RALYL: variants seen among roughly 807,000 people sequenced by gnomAD.
RALYL encodes RALY RNA binding protein like.
A neutral mutation model predicts 35.1 loss-of-function variants in RALYL; 29 were observed. The observed-to-expected ratio is 0.83, with a 90% confidence interval of 0.61 to 1.13. The LOEUF is 1.13. Ranked by LOEUF, RALYL falls within the 50% of genes most tolerant of loss-of-function variation. RALYL has a pLI of 0.00. For missense variants in RALYL, 359 were observed against 360.4 expected (o/e 1.00, Z 0.03); for synonymous variants, 120 against 127.6 (o/e 0.94, Z 0.40).
intron 2 of RALYL, among the ~76,000 whole-genome samples, chr8:84,617,309 T>A (rs1409306691): frequency 6.6e-6 from 1 of 151,566 alleles, no homozygotes; most frequent in Admixed American, 6.6e-5. Flanking sequence ...GTCCTTCACA[T>A]CCCTTGTAAG....
chr8:84,222,726 G>A (rs1163707160), intron 1 of RALYL, among the ~76,000 whole-genome samples: 1 of 152,126 alleles, frequency 6.6e-6, no homozygotes, highest in East Asian at 1.9e-4. Context: ...TGCATGCAAA[G>A]ACCTTAAGGA....
chr8:84,811,694 G>C (rs917207172), intron 4 of RALYL, among the ~76,000 whole-genome samples: 1 of 152,090 alleles, frequency 6.6e-6, no homozygotes, highest in Non-Finnish European at 1.5e-5. Flanking sequence ...AGACTTCTTA[G>C]AGGCTTTGTT....
At chr8:84,815,684 A>C (rs1019601510) in intron 4 of RALYL, among the ~76,000 whole-genome samples, 1 of 152,056 alleles carries the variant, frequency 6.6e-6, no homozygotes, top group African/African-American at 2.4e-5. Context: ...ATGCTGCATC[A>C]GATATACTCT....
At chr8:84,439,403 GT>G (rs981395667) in intron 1 of RALYL, among the ~76,000 whole-genome samples, 2 of 152,096 alleles carry the variant, frequency 1.3e-5, no homozygotes, top group Admixed American at 1.3e-4. Context: ...CAGGGGATGT[GT>G]TTAGAGGTGG....
intron 2 of RALYL, among the ~76,000 whole-genome samples, chr8:84,569,387 G>A (rs1362237235): frequency 6.6e-6 from 1 of 151,842 alleles, no homozygotes; most frequent in African/African-American, 2.4e-5. Context: ...TGAGGACCCT[G>A]TTCTGTCCCA....
At chr8:84,217,692 G>A (rs1821159786) in intron 1 of RALYL, among the ~76,000 whole-genome samples, 1 of 152,116 alleles carries the variant, frequency 6.6e-6, no homozygotes, top group Non-Finnish European at 1.5e-5. Context: ...AAAGCAGAAT[G>A]CATGAAGATT....
At chr8:84,727,633 C>T in intron 2 of RALYL, among the ~76,000 whole-genome samples, 1 of 128,830 alleles carries the variant, frequency 7.8e-6, no homozygotes, top group Non-Finnish European at 1.6e-5. Flanking sequence ...TCCCCCCACC[C>T]CACAACAGTC....
At chr8:84,890,728 T>C (rs992905341) in intron 8 of RALYL, among the ~76,000 whole-genome samples, 5 of 152,132 alleles carry the variant, frequency 3.3e-5, no homozygotes, top group Admixed American at 1.3e-4. Flanking sequence ...CTTTTCTCCA[T>C]TGGCTTTTAT....
At chr8:84,271,829 G>GAGTGGGGA (rs533417856) in intron 1 of RALYL, among the ~76,000 whole-genome samples, 55 of 152,244 alleles carry the variant, frequency 3.6e-4, no homozygotes, top group African/African-American at 1.3e-3. Flanking sequence ...CTGGGAGGAG[G>GAGTGGGGA]AGTGGGGAAA....
chr8:84,775,460 C>G (rs900418671), intron 3 of RALYL, among the ~76,000 whole-genome samples: 1 of 152,162 alleles, frequency 6.6e-6, no homozygotes, highest in Admixed American at 6.5e-5. Flanking sequence ...GCCCTCTGTA[C>G]CTTAAATTCC....
At chr8:84,426,511 C>T (rs1259176249) in intron 1 of RALYL, among the ~76,000 whole-genome samples, 1 of 148,952 alleles carries the variant, frequency 6.7e-6, no homozygotes, top group Non-Finnish European at 1.5e-5. Context: ...TCATGCAATA[C>T]TTTCCTTTCT....
intron 2 of RALYL, among the ~76,000 whole-genome samples, chr8:84,690,741 A>G (rs1378967731): frequency 6.6e-6 from 1 of 152,110 alleles, no homozygotes; most frequent in East Asian, 1.9e-4. Flanking sequence ...TCACATGCAT[A>G]TAACATAGAA....
At chr8:84,385,008 T>C (rs953154556) in intron 1 of RALYL, among the ~76,000 whole-genome samples, 2 of 151,814 alleles carry the variant, frequency 1.3e-5, no homozygotes, top group African/African-American at 4.8e-5. Context: ...AAAGAGAACC[T>C]ATTGGTACAC....
chr8:84,831,710 TAGG>T (rs1238939686), intron 4 of RALYL, among the ~76,000 whole-genome samples: 1 of 151,934 alleles, frequency 6.6e-6, no homozygotes, highest in Non-Finnish European at 1.5e-5. Context: ...ATAATAGTAA[TAGG>T]AGGGAGACTA....
At chr8:84,311,090 A>AAAAAAAAAATATAT (rs1554614840) in intron 1 of RALYL, among the ~76,000 whole-genome samples, 6 of 99,770 alleles carry the variant, frequency 6.0e-5, no homozygotes, top group African/African-American at 1.8e-4. Flanking sequence ...AAAAAAAAAA[A>AAAAAAAAAATATAT]ATGTATATTA....
chr8:84,665,160 A>G (rs1289779751), intron 2 of RALYL, among the ~76,000 whole-genome samples: 1 of 152,104 alleles, frequency 6.6e-6, no homozygotes, highest in Non-Finnish European at 1.5e-5. Flanking sequence ...CCAACCTTGC[A>G]TGAAGTCTCT....
intron 8 of RALYL, among the ~76,000 whole-genome samples, chr8:84,912,439 A>C (rs1161176376): frequency 5.3e-5 from 8 of 152,044 alleles, no homozygotes. Context: ...CACCCCCTTA[A>C]AAAGGTCAAT....
intron 8 of RALYL, among the ~76,000 whole-genome samples, chr8:84,888,096 C>T (rs1258319123): frequency 6.6e-6 from 1 of 152,202 alleles, no homozygotes; most frequent in Non-Finnish European, 1.5e-5. Context: ...TACAAGTGAA[C>T]TATATGTGGA....
chr8:84,912,560 T>C (rs1847683114), intron 8 of RALYL, among the ~76,000 whole-genome samples: 1 of 152,066 alleles, frequency 6.6e-6, no homozygotes, highest in African/African-American at 2.4e-5. Context: ...TTGCTGATAT[T>C]GTTAGCAGAA....
Sources: gnomAD v4.1 joint callset for allele counts (sites outside exome capture counted in the v4.1 genomes callset) on GRCh38, gnomAD v4.1.1 for gene constraint, MANE v1.5 for transcripts, NCBI Gene and HGNC (gene_info 2026-07-23, HGNC 2026-07-21) for gene names.